Variants in CAMSAP2 observed in about 807,000 individuals in gnomAD.
CAMSAP2 encodes the protein calmodulin-regulated spectrin-associated protein 2.
In CAMSAP2, 26 loss-of-function variants were observed where a neutral mutation model predicts 146.1. The observed-to-expected ratio is 0.18, with a 90% CI of 0.13 to 0.25. The LOEUF (loss-of-function observed/expected upper bound fraction) is 0.25, where lower values mean the gene tolerates loss of function less well. CAMSAP2 is among the 10% of genes least tolerant of loss of function. CAMSAP2 has a pLI of 1.00. For missense variants in CAMSAP2, 1,381 were observed against 1,759.3 expected (o/e 0.78, Z 3.85); for synonymous variants, 499 against 596.6 (o/e 0.84, Z 2.38).
rs1402941889 is a variant in CAMSAP2 at position 200,857,417 on chromosome 1, T to C, written c.4124T>C (p.Ile1375Thr). 2 of 1,598,004 alleles carry C rather than the reference T, an allele frequency of 1.3e-6. No homozygotes were observed. Among genetic ancestry groups the C allele is most frequent in the South Asian group, 2.2e-5 (2 of 90,718 alleles). ...GKVNEGQKKK[I>T]LEEMEKSDAN... Reference sequence around the variant, plus strand: ...GTAAATGAAGGTCAGAAGAAAAAAATACTGGAGGTAAGCATGTTTGCATGA... The same window carrying C: ...GTAAATGAAGGTCAGAAGAAAAAAACACTGGAGGTAAGCATGTTTGCATGA... Residue 1375 changes from isoleucine to threonine, a missense_variant, in exon 16 of 17, where the codon ATA becomes ACA. Around this residue, in one of 4 missense-constraint regions of CAMSAP2, gnomAD observed 90 missense variants for 174.4 expected, o/e 0.52. Coordinates refer to ENST00000358823, the MANE Select transcript of CAMSAP2 (RefSeq NM_203459.4). The surrounding 1 kb of genome is among the most constrained non-coding windows in gnomAD (Gnocchi z 4.7).
chr1:200,844,918 A>C, intron 8 of CAMSAP2, 49 bp downstream of exon 8: 2 of 934,678 alleles, frequency 2.1e-6, no homozygotes. Context: ...CTATTTACTA[A>C]TTAAATTACA....
intron 10 of CAMSAP2, 89 bp downstream of exon 10, chr1:200,847,798 C>A: frequency 8.4e-7 from 1 of 1,194,030 alleles, no homozygotes. Flanking sequence ...AACCAAATTG[C>A]TAAAACTTTT....
At chr1:200,793,823 A>AT in intron 2 of CAMSAP2, among the ~76,000 whole-genome samples, 1 of 152,318 alleles carries the variant, frequency 6.6e-6, no homozygotes, top group African/African-American at 2.4e-5. Flanking sequence ...TTAAGGTTGT[A>AT]GACTTTCTTA....
At chr1:200,792,567 C>A (rs1490782188) in intron 2 of CAMSAP2, among the ~76,000 whole-genome samples, 2 of 152,126 alleles carry the variant, frequency 1.3e-5, no homozygotes, top group Admixed American at 1.3e-4. Flanking sequence ...ATTGCTTGAA[C>A]CCGGGAGGAG....
chr1:200,751,694 C>T (rs1229998188), intron 1 of CAMSAP2, among the ~76,000 whole-genome samples: 2 of 152,020 alleles, frequency 1.3e-5, no homozygotes, highest in Non-Finnish European at 2.9e-5. Flanking sequence ...CAAAAGCTTT[C>T]CCTGGCTAAT....
At position 200,857,279 on chromosome 1, in the gene CAMSAP2, AT is replaced by A; in HGVS notation, c.4013-25del. On this transcript the variant is annotated intron_variant, in intron 15 of 16. Coordinates refer to ENST00000358823, the MANE Select transcript of CAMSAP2 (RefSeq NM_203459.4). This position sits in a 1 kb window ranked among gnomAD's most constrained non-coding sequence, Gnocchi z 4.7. ...TTTCTGACTTAGGAATGTTATTTTT[AT>A]TATTGTTGTTAAATCCCTACCATAG... is the stretch of plus-strand genomic sequence containing the variant. The A allele has an allele frequency of 7.4e-7, 1 of 1,348,372 alleles. No individual in the cohort carries two copies. The highest frequency in any genetic ancestry group is 1.1e-6 in the Non-Finnish European group (1 of 942,970). The allele number at this position is 1,348,372 out of a possible 1,614,324, so 83.5% of individuals were successfully genotyped here.
chr1:200,857,381 T>C lies in CAMSAP2; in HGVS notation c.4088T>C (p.Leu1363Ser), dbSNP rs1667774713. The stretch of plus-strand genomic sequence containing the variant: ...CAAAATGCTTTAGCTCATTGCTGTT[T>C]GGCTGGAAAAGTAAATGAAGGTCAG... ...IIQNALAHCC[L>S]AGKVNEGQKK... Residue 1363 changes from leucine to serine, a missense_variant, in exon 16 of 17, where the codon TTG becomes TCG. By Grantham distance (145) the Leu-to-Ser change is moderately radical. Around this residue, in one of 4 missense-constraint regions of CAMSAP2, gnomAD observed 90 missense variants for 174.4 expected, o/e 0.52. Transcript: ENST00000358823. The surrounding 1 kb of genome is among the most constrained non-coding windows in gnomAD (Gnocchi z 4.7). 6.2e-7 allele frequency: 1 copy of C among 1,613,616 alleles called. No homozygotes were observed. The highest frequency in any genetic ancestry group is 1.7e-5 in the Admixed American group (1 of 59,966).
chr1:200,785,477 C>T (rs1241609537), intron 2 of CAMSAP2, among the ~76,000 whole-genome samples: 4 of 151,354 alleles, frequency 2.6e-5, no homozygotes, highest in Non-Finnish European at 4.4e-5. Flanking sequence ...CAACCTCTGC[C>T]TCCCAGGTTC....
intron 3 of CAMSAP2, among the ~76,000 whole-genome samples, chr1:200,814,188 A>G (rs1002867789): frequency 3.3e-5 from 5 of 151,472 alleles, no homozygotes; most frequent in Admixed American, 2.6e-4. Flanking sequence ...CAAATAGAAA[A>G]CATTATAAAC....
At chr1:200,754,574 CTTTTTTTTTTTTT>C (rs35219206) in intron 1 of CAMSAP2, among the ~76,000 whole-genome samples, 1 of 86,576 alleles carries the variant, frequency 1.2e-5, no homozygotes, top group African/African-American at 4.5e-5. Flanking sequence ...GAAAGAGCTC[CTTTTTTTTTTTTT>C]TTTTTTTTTT....
intron 2 of CAMSAP2, among the ~76,000 whole-genome samples, chr1:200,765,926 G>C (rs1025331333): frequency 2.0e-5 from 3 of 152,188 alleles, no homozygotes; most frequent in African/African-American, 7.2e-5. Flanking sequence ...TGAAGAGTCT[G>C]TAAGTTAGAT....
At position 200,854,827 on chromosome 1, in the gene CAMSAP2, T is replaced by A; in HGVS notation, c.3834T>A (p.Leu1278=). 1 of 1,610,918 alleles carries A rather than the reference T, an allele frequency of 6.2e-7. No homozygotes were observed. Among genetic ancestry groups the A allele is most frequent in the Non-Finnish European group, 8.5e-7 (1 of 1,178,654 alleles). The change falls in exon 14 of 17, where the codon CTT becomes CTA. Residue 1278 remains leucine (L), a synonymous_variant. Transcript: ENST00000358823. ...TPIKGPPVSS[L]SLASLNTGDN... is the part of the protein sequence containing the mutation. ...ATCGTGTTTTTTCAGTCTCTAGCCT[T>A]TCTTTGGCATCGCTGAACACGGGTG...
At chr1:200,803,779 G>A (rs1314731110) in intron 2 of CAMSAP2, among the ~76,000 whole-genome samples, 3 of 152,022 alleles carry the variant, frequency 2.0e-5, no homozygotes, top group Non-Finnish European at 4.4e-5. Flanking sequence ...CCCAATTTTC[G>A]AAGTAAACTA....
intron 4 of CAMSAP2, among the ~76,000 whole-genome samples, chr1:200,827,762 G>A (rs1366047004): frequency 3.3e-5 from 5 of 152,154 alleles, no homozygotes; most frequent in Admixed American, 6.5e-5. Flanking sequence ...TTTTAACTCA[G>A]ATTCTATTTA....
At chr1:200,825,541 C>G (rs10800742) in intron 4 of CAMSAP2, among the ~76,000 whole-genome samples, 25,273 of 147,058 alleles carry the variant, frequency 0.17, 2,882 homozygotes, top group East Asian at 0.36. Context: ...GAGTCTTGCT[C>G]TGCCACCCAG....
At chr1:200,834,932 T>C (rs559917376) in intron 6 of CAMSAP2, among the ~76,000 whole-genome samples, 2 of 152,284 alleles carry the variant, frequency 1.3e-5, no homozygotes, top group South Asian at 4.1e-4. Context: ...ACAAAAACCA[T>C]AGGGGCTTTC....
chr1:200,811,453 C>T (rs1177983647), intron 3 of CAMSAP2, among the ~76,000 whole-genome samples: 1 of 152,150 alleles, frequency 6.6e-6, no homozygotes, highest in East Asian at 1.9e-4. Flanking sequence ...AACCAGACTA[C>T]AGTTTTCTCC....
At chr1:200,750,617 A>ATAGATACATCT (rs1284657199) in intron 1 of CAMSAP2, among the ~76,000 whole-genome samples, 1 of 141,554 alleles carries the variant, frequency 7.1e-6, no homozygotes, top group African/African-American at 2.6e-5. Context: ...AGATAGATAG[A>ATAGATACATCT]TAGATACATC....
chr1:200,810,898 C>T (rs1348686533), intron 3 of CAMSAP2, among the ~76,000 whole-genome samples: 1 of 151,840 alleles, frequency 6.6e-6, no homozygotes, highest in Non-Finnish European at 1.5e-5. Context: ...CAAAAAAAAA[C>T]CAAAAAACAG....
Sources: allele counts gnomAD v4.1 joint callset (sites outside exome capture counted in the v4.1 genomes callset), GRCh38; gene constraint gnomAD v4.1.1; regional missense constraint gnomAD v4.1.1; non-coding constraint Gnocchi (gnomAD v3.1); transcripts MANE v1.5; gene names NCBI Gene and HGNC (gene_info 2026-07-23, HGNC 2026-07-21).